The following LMX1B variants were observed in gnomAD, a reference collection of about 807,000 sequenced individuals.
LMX1B encodes the protein LIM homeobox transcription factor 1-beta.
LMX1B carries 12 observed loss-of-function variants against 51.4 expected under a neutral mutation model. The ratio of observed to expected loss-of-function variants is 0.23; its 90% CI spans 0.15 to 0.38. The LOEUF is 0.38. LMX1B is among the 10% of genes least tolerant of loss of function. The probability of loss-of-function intolerance (pLI) is 1.00; values close to 1 mark genes in which losing one functional copy is unlikely to be tolerated. For missense variants in LMX1B, 445 were observed against 571.1 expected, an observed-to-expected ratio of 0.78 and a Z score of 2.25; for synonymous variants, 237 against 235.4, an observed-to-expected ratio of 1.01 and a Z score of -0.06.
In LMX1B at chr9:126,695,347, C is replaced by G. The variant is rs149688153; in HGVS notation, c.887-492C>G. 6.6e-6 allele frequency among the ~76,000 whole-genome samples: 1 copy of G among 152,240 alleles called. No individual in the cohort carries two copies. The highest frequency in any genetic ancestry group is 1.5e-5 in the Non-Finnish European group (1 of 68,036). Reference sequence around the variant, plus strand: ...CCTCTCTCCCTGCCTCTTGGCCCCACGTGCTGCACCCTCACTTACCCGGCG... The same window carrying G: ...CCTCTCTCCCTGCCTCTTGGCCCCAGGTGCTGCACCCTCACTTACCCGGCG... On this transcript the variant is annotated intron_variant, in intron 6 of 7. Coordinates refer to ENST00000373474, the MANE Select transcript of LMX1B (RefSeq NM_001174147.2). The surrounding 1 kb of genome is among the most constrained non-coding windows in gnomAD (Gnocchi z 5.2).
chr9:126,690,581 G>A (rs938457871), intron 2 of LMX1B, among the ~76,000 whole-genome samples: 6 of 152,230 alleles, frequency 3.9e-5, no homozygotes, highest in African/African-American at 7.2e-5. Context: ...GAGCTGGAAG[G>A]GCCCTGAGCT....
chr9:126,635,422 C>T (rs1835697129), intron 2 of LMX1B, among the ~76,000 whole-genome samples: 2 of 152,246 alleles, frequency 1.3e-5, no homozygotes, highest in African/African-American at 2.4e-5. Flanking sequence ...CGAGGGCACT[C>T]CAGGCTGAGG....
intron 2 of LMX1B, among the ~76,000 whole-genome samples, chr9:126,650,622 T>G (rs951890191): frequency 2.6e-5 from 4 of 152,206 alleles, no homozygotes; most frequent in African/African-American, 9.6e-5. Context: ...GCAGGCCTGG[T>G]GGCCCCCTCG....
chr9:126,689,848 T>C (rs1300646018), intron 2 of LMX1B, among the ~76,000 whole-genome samples: 1 of 152,252 alleles, frequency 6.6e-6, no homozygotes, highest in East Asian at 1.9e-4. Flanking sequence ...AGCACCTCAA[T>C]TTCCTCATCT....
intron 2 of LMX1B, among the ~76,000 whole-genome samples, chr9:126,656,699 A>G (rs1429200077): frequency 6.6e-6 from 1 of 152,216 alleles, no homozygotes; most frequent in South Asian, 2.1e-4. Context: ...ATATGAGTCT[A>G]AAACAGTTGA....
chr9:126,691,617 C>G (rs952243607), intron 3 of LMX1B, among the ~76,000 whole-genome samples: 1 of 152,164 alleles, frequency 6.6e-6, no homozygotes, highest in Non-Finnish European at 1.5e-5. Flanking sequence ...GCCCACCCCC[C>G]TTACCCTCTC....
chr9:126,655,318 C>G (rs993314797), intron 2 of LMX1B, among the ~76,000 whole-genome samples: 2 of 152,138 alleles, frequency 1.3e-5, no homozygotes, highest in African/African-American at 4.8e-5. Context: ...GTCCTGGCTG[C>G]CCTAGACCAC....
At chr9:126,663,259 T>C (rs905639512) in intron 2 of LMX1B, among the ~76,000 whole-genome samples, 1 of 151,832 alleles carries the variant, frequency 6.6e-6, no homozygotes, top group Non-Finnish European at 1.5e-5. Context: ...AAACCCCATC[T>C]CTACTAAAAA....
chr9:126,656,044 A>G (rs1404445245), intron 2 of LMX1B, among the ~76,000 whole-genome samples: 2 of 152,238 alleles, frequency 1.3e-5, no homozygotes, highest in African/African-American at 4.8e-5. Context: ...ACTGAAGTAG[A>G]GGATTAAATT....
intron 2 of LMX1B, among the ~76,000 whole-genome samples, chr9:126,686,884 A>G (rs919201781): frequency 1.3e-5 from 2 of 152,352 alleles, no homozygotes; most frequent in African/African-American, 2.4e-5. Flanking sequence ...ATAACTGAGC[A>G]TTATTAGTCC....
At chr9:126,690,278 G>C (rs928374449) in intron 2 of LMX1B, among the ~76,000 whole-genome samples, 12 of 152,212 alleles carry the variant, frequency 7.9e-5, no homozygotes, top group African/African-American at 2.9e-4. Flanking sequence ...AGATCCCCCT[G>C]GCTCCTGTGT....
intron 2 of LMX1B, among the ~76,000 whole-genome samples, chr9:126,645,115 C>T (rs531407912): frequency 9.1e-4 from 139 of 152,176 alleles, no homozygotes; most frequent in Non-Finnish European, 1.6e-3. Context: ...TGGGTTCCCC[C>T]CCTACCACCC....
chr9:126,632,963 C>T (rs1487819859), intron 2 of LMX1B, among the ~76,000 whole-genome samples: 1 of 152,260 alleles, frequency 6.6e-6, no homozygotes, highest in African/African-American at 2.4e-5. Context: ...CTGAGCCCCG[C>T]AGGCGAGCCC....
rs1267191927 is a variant in LMX1B at position 126,626,547 on chromosome 9, C to T, written c.326+10978C>T. Among the ~76,000 whole-genome samples, 1 of 152,218 alleles carries T rather than the reference C, an allele frequency of 6.6e-6. No individual in the cohort carries two copies. Among genetic ancestry groups the T allele is most frequent in the Non-Finnish European group, 1.5e-5 (1 of 68,038 alleles). On this transcript the variant is annotated intron_variant, in intron 2 of 7. Coordinates refer to ENST00000373474, the MANE Select transcript of LMX1B (RefSeq NM_001174147.2). This position sits in a 1 kb window ranked among gnomAD's most constrained non-coding sequence, Gnocchi z 4.3. ...GAGCTCACCTCCCGCCCGTCCTCTC[C>T]TGGAGCCCCCTCTGCAATCCCGGCT...
At chr9:126,663,824 T>C (rs983308216) in intron 2 of LMX1B, among the ~76,000 whole-genome samples, 1 of 152,252 alleles carries the variant, frequency 6.6e-6, no homozygotes, top group African/African-American at 2.4e-5. Flanking sequence ...TTGGTTGCCC[T>C]GCTTGGGAAA....
intron 2 of LMX1B, among the ~76,000 whole-genome samples, chr9:126,633,319 T>A (rs1340649504): frequency 6.6e-6 from 1 of 152,226 alleles, no homozygotes; most frequent in Admixed American, 6.5e-5. Context: ...TATGACAACC[T>A]CTGCCCAGGG....
In LMX1B at chr9:126,626,609, G is replaced by T. The variant is rs575362997; in HGVS notation, c.326+11040G>T. Among the ~76,000 whole-genome samples the T allele has an allele frequency of 2.0e-5, 3 of 152,280 alleles. No individual in the cohort carries two copies. The East Asian group carries it at 5.8e-4, about 30-fold the overall frequency. On this transcript the variant is annotated intron_variant, in intron 2 of 7. Transcript: ENST00000373474. This position sits in a 1 kb window ranked among gnomAD's most constrained non-coding sequence, Gnocchi z 4.3. ...CGGCCCTTCCTTCCAGGTCAGGGGT[G>T]GGGGAGAGACTTTCTCCCTCGAAAC...
chr9:126,634,326 G>A (rs1445533577), intron 2 of LMX1B, among the ~76,000 whole-genome samples: 2 of 152,172 alleles, frequency 1.3e-5, no homozygotes, highest in East Asian at 1.9e-4. Context: ...AGGCCTCACC[G>A]GGCAGGTCTC....
At chr9:126,617,317 C>A (rs993230957) in intron 2 of LMX1B, among the ~76,000 whole-genome samples, 1 of 152,000 alleles carries the variant, frequency 6.6e-6, no homozygotes, top group South Asian at 2.1e-4. Flanking sequence ...CAGCCACCAG[C>A]CTTTACGACA....
Sources: gnomAD v4.1 joint callset for allele counts (sites outside exome capture counted in the v4.1 genomes callset) on GRCh38, gnomAD v4.1.1 for gene constraint, Gnocchi (gnomAD v3.1) non-coding constraint, MANE v1.5 for transcripts, NCBI Gene and HGNC (gene_info 2026-07-23, HGNC 2026-07-21) for gene names.